The following TBX22 variants were observed in gnomAD, a reference collection of about 807,000 sequenced individuals.
The protein encoded by TBX22 is T-box transcription factor TBX22.
TBX22 carries 8 observed loss-of-function variants against 30.1 expected under a neutral mutation model. That is an observed-to-expected ratio of 0.27 (90% CI 0.16 to 0.48). TBX22 has a LOEUF of 0.48. TBX22 is among the 20% of genes least tolerant of loss of function. The probability of loss-of-function intolerance (pLI) is 0.99; values close to 1 mark genes in which losing one functional copy is unlikely to be tolerated. For missense variants in TBX22, 463 were observed against 400.5 expected (o/e 1.16, Z -1.33); for synonymous variants, 173 against 149.1 (o/e 1.16, Z -1.17).
rs374690782 is a variant in TBX22 at position 80,031,084 on chromosome X, G to C, written c.1536G>C (p.Trp512Cys). 2 of 1,209,366 alleles carry C rather than the reference G, an allele frequency of 1.7e-6. No homozygotes were observed. Among genetic ancestry groups the C allele is most frequent in the Admixed American group, 4.3e-5 (2 of 45,980 alleles). The change falls in exon 9 of 9, where the codon TGG becomes TGC. Residue 512 changes from tryptophan (W) to cysteine (C), a missense_variant. Transcript: ENST00000373296. Reference sequence around the variant, plus strand: ...AAGGCAAATGTAATCATGTTCATTGGTATCCAGCAATTAACCATTACCTTT... The same window carrying C: ...AAGGCAAATGTAATCATGTTCATTGCTATCCAGCAATTAACCATTACCTTT... Reference protein sequence around the residue: ...FGEGKCNHVHWYPAINHYL With the variant: ...FGEGKCNHVHCYPAINHYL
At chrX:80,027,006 G>A in intron 6 of TBX22, 138 bp downstream of exon 6, 2 of 696,614 alleles carry the variant, frequency 2.9e-6, no homozygotes, top group Non-Finnish European at 2.2e-6. Flanking sequence ...TGTCATCCAT[G>A]CAAGTTTGAT....
intron 1 of TBX22, among the ~76,000 whole-genome samples, chrX:80,018,480 C>T (rs994742938): frequency 8.9e-6 from 1 of 111,808 alleles, no homozygotes; most frequent in African/African-American, 3.2e-5. Flanking sequence ...AGACTTTCAA[C>T]CTTTTGAATC....
chrX:80,027,702 A>G (rs966693466), intron 7 of TBX22, among the ~76,000 whole-genome samples: 2 of 111,751 alleles, frequency 1.8e-5, no homozygotes, highest in African/African-American at 3.3e-5. Context: ...GGATAAGAAA[A>G]CTGACTCAGA....
At chrX:80,018,220 C>T (rs1027304186) in intron 1 of TBX22, among the ~76,000 whole-genome samples, 6 of 111,804 alleles carry the variant, frequency 5.4e-5, no homozygotes, top group East Asian at 2.8e-4. Flanking sequence ...GAAGTGAGAA[C>T]ACAGCTACGA....
At position 80,028,031 on chromosome X, in the gene TBX22, C is replaced by A; in HGVS notation, c.904C>A (p.Pro302Thr). The A allele has an allele frequency of 8.3e-7, 1 of 1,211,048 alleles. No individual in the cohort carries two copies. Among genetic ancestry groups the A allele is most frequent in the Non-Finnish European group, 1.1e-6 (1 of 894,950 alleles). ...GCTTTTAGAGACCTACCCATGGAGG[C>A]CTTCTTTCACTCTCGATTTTAAAAC... ...DGLLETYPWRPSFTLDFKTFG... is the reference protein window; with the variant it reads ...DGLLETYPWRTSFTLDFKTFG... Residue 302 changes from proline to threonine, a missense_variant, in exon 8 of 9, where the codon CCT becomes ACT. Pro to Thr is a conservative substitution (Grantham distance 38, BLOSUM62 -1). Transcript: ENST00000373296.
chrX:80,024,677 C>T (rs929869505), intron 4 of TBX22, among the ~76,000 whole-genome samples: 3 of 112,101 alleles, frequency 2.7e-5, no homozygotes, highest in African/African-American at 6.5e-5. Flanking sequence ...CCTGTCTTTT[C>T]GTCCATCTTT....
At chrX:80,028,228 G>A in intron 8 of TBX22, 152 bp downstream of exon 8, 1 of 483,162 alleles carries the variant, frequency 2.1e-6, no homozygotes, top group Non-Finnish European at 3.5e-6. Flanking sequence ...TGAATGACGA[G>A]GTAAGAGGCA....
intron 1 of TBX22, among the ~76,000 whole-genome samples, chrX:80,021,433 A>C (rs945892483): frequency 9.0e-6 from 1 of 111,513 alleles, no homozygotes; most frequent in South Asian, 3.8e-4. Flanking sequence ...ACCTAATTTG[A>C]GACTCCAACT....
intron 8 of TBX22, among the ~76,000 whole-genome samples, chrX:80,028,685 C>T (rs761937307): frequency 9.0e-6 from 1 of 111,494 alleles, no homozygotes; most frequent in Non-Finnish European, 1.9e-5. Context: ...TGGAAGGATA[C>T]CTTAATTTGC....
intron 1 of TBX22, among the ~76,000 whole-genome samples, chrX:80,015,817 A>AT (rs1332780257): frequency 2.7e-5 from 3 of 112,145 alleles, no homozygotes; most frequent in Non-Finnish European, 5.6e-5. Context: ...TCTCTTTTGT[A>AT]TTTTTTAAAA....
In TBX22 at chrX:80,031,083, G is replaced by C. The variant is rs754291870; in HGVS notation, c.1535G>C (p.Trp512Ser). 8.3e-7 allele frequency: 1 copy of C among 1,209,599 alleles called. No individual in the cohort carries two copies. Among genetic ancestry groups the C allele is most frequent in the South Asian group, 1.8e-5 (1 of 56,959 alleles). The change falls in exon 9 of 9, where the codon TGG becomes TCG. Residue 512 changes from tryptophan (W) to serine (S), a missense_variant. Transcript: ENST00000373296. The stretch of plus-strand genomic sequence containing the variant: ...GAAGGCAAATGTAATCATGTTCATT[G>C]GTATCCAGCAATTAACCATTACCTT... ...FGEGKCNHVH[W>S]YPAINHYL is the part of the protein sequence containing the mutation.
intron 1 of TBX22, among the ~76,000 whole-genome samples, chrX:80,016,500 A>AT (rs56930639): frequency 0.033 from 3,707 of 111,024 alleles, 158 homozygotes; most frequent in African/African-American, 0.12. Context: ...CATAAACAGT[A>AT]TTTTTTTTCA....
chrX:80,028,949 G>T (rs1924108918), intron 8 of TBX22, among the ~76,000 whole-genome samples: 1 of 79,642 alleles, frequency 1.3e-5, no homozygotes, highest in African/African-American at 6.7e-5. Flanking sequence ...GTGGTTTAGG[G>T]AATTGCATGA....
At chrX:80,018,297 A>G (rs1341168132) in intron 1 of TBX22, among the ~76,000 whole-genome samples, 3 of 112,476 alleles carry the variant, frequency 2.7e-5, no homozygotes, top group African/African-American at 9.7e-5. Context: ...TTGCATTGGT[A>G]AATACCAAAG....
chrX:80,026,677 T>C, intron 5 of TBX22, 27 bp from the exon 6 acceptor site: 7 of 1,209,509 alleles, frequency 5.8e-6, no homozygotes, highest in Non-Finnish European at 7.8e-6. Context: ...CCAGTTTTTC[T>C]AACAGCATTG....
intron 2 of TBX22, 26 bp from the exon 3 acceptor site, chrX:80,023,034 C>T: frequency 8.3e-7 from 1 of 1,207,487 alleles, no homozygotes; most frequent in Middle Eastern, 2.4e-4. Context: ...TCTCTCAAAC[C>T]CTGAGCGCCT....
At chrX:80,021,710 G>T (rs1006221788) in intron 1 of TBX22, among the ~76,000 whole-genome samples, 1 of 112,028 alleles carries the variant, frequency 8.9e-6, no homozygotes, top group Non-Finnish European at 1.9e-5. Flanking sequence ...GTCACTCACT[G>T]TGTTTTTTAT....
At chrX:80,015,659 C>G (rs1410990306) in intron 1 of TBX22, among the ~76,000 whole-genome samples, 1 of 111,863 alleles carries the variant, frequency 8.9e-6, no homozygotes, top group Non-Finnish European at 1.9e-5. Flanking sequence ...CACACACACA[C>G]ACATGCCTTC....
chrX:80,016,546 G>A (rs1036265813), intron 1 of TBX22, among the ~76,000 whole-genome samples: 14 of 111,484 alleles, frequency 1.3e-4, no homozygotes, highest in African/African-American at 2.3e-4. Context: ...GCATATCTCC[G>A]TTCAAGTGAT....
Sources: gnomAD v4.1 joint callset for allele counts (sites outside exome capture counted in the v4.1 genomes callset) on GRCh38, gnomAD v4.1.1 for gene constraint, MANE v1.5 for transcripts, NCBI Gene and HGNC (gene_info 2026-07-23, HGNC 2026-07-21) for gene names.